NOS1: variants seen among roughly 807,000 people sequenced by gnomAD.
NOS1 encodes nitric oxide synthase 1.
Under a neutral mutation model 164.5 loss-of-function variants are expected in NOS1, and 51 were observed. The observed-to-expected ratio is 0.31, with a 90% CI of 0.25 to 0.39. NOS1 has a LOEUF of 0.39. NOS1 is among the 10% of genes least tolerant of loss of function. The pLI, the probability that NOS1 is intolerant of heterozygous loss-of-function variation, is 1.00. For missense variants in NOS1, 1,362 were observed against 1,885.6 expected (o/e 0.72, Z 5.14); for synonymous variants, 719 against 745.8 (o/e 0.96, Z 0.59).
At chr12:117,242,335 G>A (rs1280579866) in intron 20 of NOS1, among the ~76,000 whole-genome samples, 2 of 152,208 alleles carry the variant, frequency 1.3e-5, no homozygotes, top group African/African-American at 2.4e-5. Flanking sequence ...GTGGTACAAC[G>A]AACATGTGGC....
chr12:117,214,680 A>G lies in NOS1; in HGVS notation c.*629T>C. ...CAATTATGGGGCTTCCAAATGTTTC[A>G]GGTACATGGGCGTGGACCCTAATTA... On this transcript the variant is annotated 3_prime_UTR_variant, in exon 29 of 29. Coordinates refer to ENST00000317775, the MANE Select transcript of NOS1 (RefSeq NM_000620.5). 2 of 985,382 alleles carry G rather than the reference A, an allele frequency of 2.0e-6. No individual in the cohort carries two copies. Among genetic ancestry groups the G allele is most frequent in the Non-Finnish European group, 2.4e-6 (2 of 829,926 alleles). 61.0% of individuals were successfully genotyped at this position (985,382 alleles called of 1,614,324 possible).
intron 28 of NOS1, among the ~76,000 whole-genome samples, chr12:117,215,869 CTTTTTTT>C (rs34665031): frequency 5.9e-5 from 5 of 85,428 alleles, no homozygotes; most frequent in Non-Finnish European, 8.2e-5. Flanking sequence ...TTTAAAAGGA[CTTTTTTT>C]TTTTTTTTTT....
At chr12:117,273,490 G>A (rs1872941034) in intron 9 of NOS1, among the ~76,000 whole-genome samples, 1 of 152,216 alleles carries the variant, frequency 6.6e-6, no homozygotes, top group Middle Eastern at 3.4e-3. Context: ...GAGCTATTAG[G>A]TTGATGCAAA....
chr12:117,355,132 C>T (rs1001239697), intron 1 of NOS1, among the ~76,000 whole-genome samples: 1 of 152,092 alleles, frequency 6.6e-6, no homozygotes, highest in Non-Finnish European at 1.5e-5. Context: ...TTCAGGGCAC[C>T]TCTGAAAATC....
rs532754579 is a variant in NOS1 at position 117,268,946 on chromosome 12, A to T, written c.1840-802T>A. On this transcript the variant is annotated intron_variant, in intron 10 of 28. Transcript: ENST00000317775. The stretch of plus-strand genomic sequence containing the variant: ...GGACTAGGTATGAAATAAAAATGTT[A>T]AAAAATTTAAAAAGTTAAAATTTTT... Among the ~76,000 whole-genome samples, 308 of 152,286 alleles carry T rather than the reference A, an allele frequency of 2.0e-3. 1 individual carries two copies. The highest frequency in any genetic ancestry group is 7.0e-3 in the African/African-American group (291 of 41,574).
intron 26 of NOS1, among the ~76,000 whole-genome samples, chr12:117,221,450 A>G (rs546271191): frequency 1.3e-4 from 19 of 151,108 alleles, no homozygotes; most frequent in African/African-American, 4.4e-4. Flanking sequence ...CGCCCAGCTA[A>G]TTTTTATATT....
intron 2 of NOS1, among the ~76,000 whole-genome samples, chr12:117,315,379 A>AT (rs1384223248): frequency 5.3e-5 from 8 of 151,840 alleles, no homozygotes; most frequent in Non-Finnish European, 1.0e-4. Context: ...AATTTTTAAA[A>AT]TTTTTTTTAT....
chr12:117,310,532 G>T lies in NOS1; in HGVS notation c.852+934C>A, dbSNP rs1334418536. ...GTGTGTTTGTCAATGCATAAAACAC[G>T]GCTAAAAGAACACACAAAAACCATT... On this transcript the variant is annotated intron_variant, in intron 3 of 28. Coordinates refer to ENST00000317775, the MANE Select transcript of NOS1 (RefSeq NM_000620.5). Among the ~76,000 whole-genome samples the T allele has an allele frequency of 2.0e-5, 3 of 152,142 alleles. No individual in the cohort carries two copies. The South Asian group carries it at 6.2e-4, about 32-fold the overall frequency.
intron 10 of NOS1, among the ~76,000 whole-genome samples, chr12:117,268,769 T>G (rs1431973977): frequency 1.3e-5 from 2 of 150,742 alleles, no homozygotes; most frequent in East Asian, 3.9e-4. Context: ...TTTTTTTTTT[T>G]TGTATTTTTA....
At chr12:117,236,451 C>G (rs994191995) in intron 20 of NOS1, among the ~76,000 whole-genome samples, 2 of 152,136 alleles carry the variant, frequency 1.3e-5, no homozygotes, top group Non-Finnish European at 2.9e-5. Flanking sequence ...CATCCCCGCC[C>G]TTAGCATAGT....
At chr12:117,357,151 C>T (rs747816478) in intron 1 of NOS1, among the ~76,000 whole-genome samples, 6 of 152,112 alleles carry the variant, frequency 3.9e-5, no homozygotes, top group African/African-American at 7.2e-5. Context: ...GACAAAACCC[C>T]GTCTCTACAA....
rs1352356367 is a variant in NOS1 at position 117,210,970 on chromosome 12, T to A, written c.*4339A>T. 2.1e-6 allele frequency: 2 copies of A among 937,616 alleles called. No individual in the cohort carries two copies. The highest frequency in any genetic ancestry group is 5.0e-5 in the South Asian group (1 of 20,094). The allele number at this position is 937,616 out of a possible 1,614,324, so 58.1% of individuals were successfully genotyped here. A position where few individuals can be genotyped will look rare whatever the true frequency, so the allele number is the denominator to read the frequency against. On this transcript the variant is annotated 3_prime_UTR_variant, in exon 29 of 29. Transcript: ENST00000317775. ...ATTTTATTTTATTTTATTTTATTTT[T>A]TTTGAGATAAGAGTCTTGCTCTGTC... is the stretch of plus-strand genomic sequence containing the variant.
In NOS1 at chr12:117,208,728, C is replaced by CT. The variant is rs10644899; in HGVS notation, c.*6580dup. On this transcript the variant is annotated 3_prime_UTR_variant, in exon 29 of 29. Transcript: ENST00000317775. ...CATCCTCTGTTCTGGCATGGGAGGG[C>CT]TTTTTTTTTTTTTTCCACAGGGTCT... The CT allele has an allele frequency of 0.34, 300,718 of 872,954 alleles. 12,483 individuals are homozygous for CT. Among genetic ancestry groups the CT allele is most frequent in the African/African-American group, 0.55 (27,699 of 50,396 alleles). The allele number at this position is 872,954 out of a possible 1,614,324, so 54.1% of individuals were successfully genotyped here. A position where few individuals can be genotyped will look rare whatever the true frequency, so the allele number is the denominator to read the frequency against.
intron 3 of NOS1, among the ~76,000 whole-genome samples, chr12:117,301,098 G>A (rs1009170353): frequency 6.6e-6 from 1 of 152,164 alleles, no homozygotes; most frequent in Non-Finnish European, 1.5e-5. Context: ...GGATGGCTCG[G>A]CTGTGAACTG....
intron 22 of NOS1, among the ~76,000 whole-genome samples, chr12:117,231,307 G>A (rs1869201602): frequency 6.6e-6 from 1 of 151,324 alleles, no homozygotes. Context: ...TAGAGAGTGA[G>A]ACTCTGTCTC....
At chr12:117,261,342 C>T (rs979258382) in intron 13 of NOS1, among the ~76,000 whole-genome samples, 2 of 152,124 alleles carry the variant, frequency 1.3e-5, no homozygotes, top group African/African-American at 2.4e-5. Context: ...TTTCCTCTCT[C>T]TTTCATTCAT....
chr12:117,287,819 C>A (rs1872806958), intron 5 of NOS1, among the ~76,000 whole-genome samples: 1 of 152,218 alleles, frequency 6.6e-6, no homozygotes, highest in Non-Finnish European at 1.5e-5. Context: ...TCCTTGTGAA[C>A]AGGTGTGAGA....
At chr12:117,301,038 T>C (rs1303494410) in intron 3 of NOS1, among the ~76,000 whole-genome samples, 1 of 152,162 alleles carries the variant, frequency 6.6e-6, no homozygotes, top group Non-Finnish European at 1.5e-5. Context: ...GTAGTTTGTC[T>C]TGAAAGTAGA....
rs1025230127 is a variant in NOS1, at chr12:117,208,371, G to T, written c.*6938C>A. Reference sequence around the variant, plus strand: ...GCATTGAGAGCTCAGAGGTAGGGGGGACGGCCGAGTTTCTGACAGCGTGTG... The same window carrying T: ...GCATTGAGAGCTCAGAGGTAGGGGGTACGGCCGAGTTTCTGACAGCGTGTG... On this transcript the variant is annotated 3_prime_UTR_variant, in exon 29 of 29. Coordinates refer to ENST00000317775, the MANE Select transcript of NOS1 (RefSeq NM_000620.5). 1.6e-5 allele frequency: 20 copies of T among 1,222,806 alleles called. No individual in the cohort carries two copies. The highest frequency in any genetic ancestry group is 2.0e-5 in the Non-Finnish European group (19 of 959,348). The allele number at this position is 1,222,806 out of a possible 1,614,324, so 75.7% of individuals were successfully genotyped here.
Sources: allele counts gnomAD v4.1 joint callset (sites outside exome capture counted in the v4.1 genomes callset), GRCh38; gene constraint gnomAD v4.1.1; transcripts MANE v1.5; gene names NCBI Gene and HGNC (gene_info 2026-07-23, HGNC 2026-07-21).